NRXN2: variants seen among roughly 807,000 people sequenced by gnomAD.
NRXN2 encodes the protein neurexin-2-beta.
In NRXN2, 29 loss-of-function variants were observed where a neutral mutation model predicts 128.8. That is an observed-to-expected ratio of 0.23 (90% CI 0.17 to 0.31). The LOEUF is 0.31. Among genes scored for constraint, NRXN2 ranks in the 10% least tolerant of loss-of-function variants. The pLI is 1.00. For synonymous variants in NRXN2, 1,098 were observed against 1,075.2 expected (o/e 1.02, Z -0.41); for missense variants, 1,881 against 2,452.6 (o/e 0.77, Z 4.92).
chr11:64,719,163 A>G (rs2057372505), intron 1 of NRXN2, among the ~76,000 whole-genome samples: 1 of 152,180 alleles, frequency 6.6e-6, no homozygotes, highest in Admixed American at 6.5e-5. Context: ...GGCCTTTTAC[A>G]GTTTGCAGTA....
Position 64,635,154 on chromosome 11 carries a change from G to T in NRXN2, c.3585+117C>A. 8.5e-7 allele frequency: 1 copy of T among 1,178,596 alleles called. No homozygotes were observed. Among genetic ancestry groups the T allele is most frequent in the Non-Finnish European group, 1.3e-6 (1 of 796,276 alleles). The allele number at this position is 1,178,596 out of a possible 1,614,324, so 73.0% of individuals were successfully genotyped here. On this transcript the variant is annotated intron_variant, in intron 18 of 22. Coordinates refer to ENST00000265459, the MANE Select transcript of NRXN2 (RefSeq NM_015080.4). The surrounding 1 kb of genome is among the most constrained non-coding windows in gnomAD (Gnocchi z 4.8). ...AAGCTCCAGCAATGAGGGAACAGAGGTTCTGAGGGTTCCCCATGAGGGAAG... is the reference window on the plus strand; with the variant it reads ...AAGCTCCAGCAATGAGGGAACAGAGTTTCTGAGGGTTCCCCATGAGGGAAG...
intron 4 of NRXN2, among the ~76,000 whole-genome samples, chr11:64,692,478 C>T (rs1167642895): frequency 6.6e-6 from 1 of 152,048 alleles, no homozygotes; most frequent in East Asian, 1.9e-4. Context: ...AAATCAAACA[C>T]CACCATGAGA....
chr11:64,712,904 C>T, intron 2 of NRXN2, 66 bp downstream of exon 2: 2 of 1,397,724 alleles, frequency 1.4e-6, no homozygotes, highest in Non-Finnish European at 1.9e-6. Context: ...CACTCCGACC[C>T]CCACGAAGCG....
intron 18 of NRXN2, among the ~76,000 whole-genome samples, chr11:64,634,350 G>C (rs1225424734): frequency 6.6e-6 from 1 of 152,236 alleles, no homozygotes; most frequent in Non-Finnish European, 1.5e-5. Context: ...GGTCAGGGGA[G>C]AGGTTGAGAC....
At position 64,652,027 on chromosome 11, in the gene NRXN2, C is replaced by G. The variant is rs2047529615; in HGVS notation, c.2536+8G>C. The G allele has an allele frequency of 6.2e-7, 1 of 1,610,876 alleles. No individual in the cohort carries two copies. The highest frequency in any genetic ancestry group is 1.3e-5 in the African/African-American group (1 of 74,888). On this transcript the variant is annotated splice_region_variant and intron_variant, in intron 13 of 22. Coordinates refer to ENST00000265459, the MANE Select transcript of NRXN2 (RefSeq NM_015080.4). The stretch of plus-strand genomic sequence containing the variant: ...ATGTGTCCACCTCCCTGGGCCCAGA[C>G]CACCTACCCTCCACAGTCACGTTGT...
chr11:64,640,226 A>C (rs1591696478), intron 17 of NRXN2, among the ~76,000 whole-genome samples: 1 of 150,900 alleles, frequency 6.6e-6, no homozygotes, highest in African/African-American at 2.4e-5. Flanking sequence ...TGTCCTCCAT[A>C]CTCTTCTGGC....
chr11:64,627,512 C>A (rs2043245197), intron 19 of NRXN2, among the ~76,000 whole-genome samples: 1 of 152,032 alleles, frequency 6.6e-6, no homozygotes, highest in Non-Finnish European at 1.5e-5. Context: ...AGGCCCTCAG[C>A]CTTTCTTTTC....
rs376552947 is a variant in NRXN2 at position 64,630,393 on chromosome 11, G to C, written c.3757+9C>G. 2.5e-6 allele frequency: 4 copies of C among 1,596,316 alleles called. No homozygotes were observed. In the South Asian group the frequency reaches 3.3e-5, roughly 13 times the overall value. ...CACCGCGCCTCCTCCGCGGGCCCGC[G>C]CCGCCTACCTGCCGGGTACCGCTCG... On this transcript the variant is annotated intron_variant, in intron 19 of 22. Transcript: ENST00000265459. This position sits in a 1 kb window ranked among gnomAD's most constrained non-coding sequence, Gnocchi z 4.6.
intron 3 of NRXN2, among the ~76,000 whole-genome samples, chr11:64,696,528 T>TACACACAC (rs58158687): frequency 0.04 from 5,487 of 138,788 alleles, 147 homozygotes; most frequent in African/African-American, 0.082. Context: ...CATACATACA[T>TACACACAC]ACACACACAC....
chr11:64,609,689 G>T (rs760105156), intron 22 of NRXN2, among the ~76,000 whole-genome samples: 4 of 152,246 alleles, frequency 2.6e-5, no homozygotes, highest in Non-Finnish European at 4.4e-5. Context: ...GTAGAAGGGA[G>T]CTGGGGCTCA....
intron 7 of NRXN2, among the ~76,000 whole-genome samples, chr11:64,671,440 A>C (rs959570394): frequency 1.4e-4 from 21 of 152,110 alleles, no homozygotes; most frequent in Non-Finnish European, 4.4e-5. Flanking sequence ...AAACAGGGGA[A>C]TAATTCCCCC....
intron 21 of NRXN2, among the ~76,000 whole-genome samples, chr11:64,621,077 T>G (rs1010461476): frequency 6.6e-6 from 1 of 151,480 alleles, no homozygotes. Flanking sequence ...TGCGGGAAGG[T>G]GAGGAGAGAG....
At position 64,660,780 on chromosome 11, in the gene NRXN2, C is replaced by A. The variant is rs758853226; in HGVS notation, c.2158G>T (p.Gly720Cys). Residue 720 changes from glycine (G) to cysteine (C), a missense_variant, in exon 10 of 23, where the codon GGC becomes TGC. This residue lies in a region of NRXN2 where 997 missense variants were observed against 1,240.8 expected (regional missense o/e 0.80). Coordinates refer to ENST00000265459, the MANE Select transcript of NRXN2 (RefSeq NM_015080.4). This position sits in a 1 kb window ranked among gnomAD's most constrained non-coding sequence, Gnocchi z 5.2. ...CTCTCACAGACCCGCCCAAGAAAGC[C>A]GGTCCCGATGCAGTCACAGATGAAG... Reference protein sequence around the residue: ...NRFICDCIGTGFLGRVCEREA... With the variant: ...NRFICDCIGTCFLGRVCEREA... 1.2e-6 allele frequency: 2 copies of A among 1,613,392 alleles called. No homozygotes were observed. The highest frequency in any genetic ancestry group is 8.5e-7 in the Non-Finnish European group (1 of 1,180,010).
At chr11:64,642,860 T>C in intron 17 of NRXN2, 1 of 785,994 alleles carries the variant, frequency 1.3e-6, no homozygotes, top group Non-Finnish European at 1.5e-6. Flanking sequence ...GACGCGGGGC[T>C]GCGCAGCCCC....
intron 2 of NRXN2, among the ~76,000 whole-genome samples, chr11:64,708,863 C>T (rs1158046786): frequency 1.3e-5 from 2 of 152,034 alleles, no homozygotes; most frequent in African/African-American, 4.8e-5. Flanking sequence ...AAAATAATAA[C>T]TGGAAGGGGT....
Position 64,651,889 on chromosome 11 carries a change from A to C in NRXN2, c.2536+146T>G. On this transcript the variant is annotated intron_variant, in intron 13 of 22. Transcript: ENST00000265459. This position sits in a 1 kb window ranked among gnomAD's most constrained non-coding sequence, Gnocchi z 5.9. ...TTCCTGGGGTCCAGATGCCCATAAC[A>C]TTCCACCCCTGAAGGAGAAATGGCA... The C allele has an allele frequency of 7.6e-7, 1 of 1,313,350 alleles. No homozygotes were observed. The highest frequency in any genetic ancestry group is 1.1e-6 in the Non-Finnish European group (1 of 926,534). The allele number at this position is 1,313,350 out of a possible 1,614,324, so 81.4% of individuals were successfully genotyped here.
At position 64,651,942 on chromosome 11, in the gene NRXN2, G is replaced by A; in HGVS notation, c.2536+93C>T. On this transcript the variant is annotated intron_variant, in intron 13 of 22. Coordinates refer to ENST00000265459, the MANE Select transcript of NRXN2 (RefSeq NM_015080.4). The surrounding 1 kb of genome is among the most constrained non-coding windows in gnomAD (Gnocchi z 5.9). ...GGCAGCTTGCCAGAACACTGCCCTA[G>A]GAATGGCAGCCCAGGCAGTAGTCAC... 3.2e-6 allele frequency: 5 copies of A among 1,575,046 alleles called. No homozygotes were observed. Among genetic ancestry groups the A allele is most frequent in the East Asian group, 2.2e-5 (1 of 44,780 alleles).
Position 64,651,659 on chromosome 11 carries a change from A to C in NRXN2, c.2537-23T>G, listed in dbSNP as rs1255389465. The stretch of plus-strand genomic sequence containing the variant: ...GTCCTGCTCAGGACAGGAGACCAAG[A>C]TGAGGGGGATGGCTTTGGGGCAGGG... On this transcript the variant is annotated intron_variant, in intron 13 of 22. Coordinates refer to ENST00000265459, the MANE Select transcript of NRXN2 (RefSeq NM_015080.4). This position sits in a 1 kb window ranked among gnomAD's most constrained non-coding sequence, Gnocchi z 5.9. 1 of 1,612,272 alleles carries C rather than the reference A, an allele frequency of 6.2e-7. No individual in the cohort carries two copies. The highest frequency in any genetic ancestry group is 1.7e-5 in the Admixed American group (1 of 59,988).
intron 17 of NRXN2, among the ~76,000 whole-genome samples, chr11:64,645,880 G>A (rs901736360): frequency 3.1e-4 from 47 of 152,098 alleles, no homozygotes; most frequent in African/African-American, 1.1e-3. Flanking sequence ...TTGAAACCAG[G>A]GCCTGCCTGC....
Sources: allele counts gnomAD v4.1 joint callset (sites outside exome capture counted in the v4.1 genomes callset), GRCh38; gene constraint gnomAD v4.1.1; regional missense constraint gnomAD v4.1.1; non-coding constraint Gnocchi (gnomAD v3.1); transcripts MANE v1.5; gene names NCBI Gene and HGNC (gene_info 2026-07-23, HGNC 2026-07-21).